Variants in SIN3B observed in about 807,000 individuals in gnomAD.
SIN3B encodes the protein paired amphipathic helix protein Sin3b.
SIN3B carries 19 observed loss-of-function variants against 120.2 expected under a neutral mutation model. The ratio of observed to expected loss-of-function variants is 0.16; its 90% CI spans 0.11 to 0.23. The LOEUF (loss-of-function observed/expected upper bound fraction) is 0.23, where lower values mean the gene tolerates loss of function less well. Ranked by LOEUF, SIN3B falls within the 10% of genes least tolerant of loss-of-function variation. The pLI, the probability that SIN3B is intolerant of heterozygous loss-of-function variation, is 1.00. For missense variants in SIN3B, 1,073 were observed against 1,573.0 expected (o/e 0.68, Z 5.38); for synonymous variants, 654 against 653.2 (o/e 1.00, Z -0.02).
chr19:16,833,468 C>G (rs1368621817), intron 3 of SIN3B, among the ~76,000 whole-genome samples: 3 of 151,894 alleles, frequency 2.0e-5, no homozygotes, highest in Non-Finnish European at 4.4e-5. Context: ...CCTGTCTCTA[C>G]TAAAAGTACA....
intron 8 of SIN3B, chr19:16,855,383 C>T (rs987311721): frequency 7.8e-5 from 10 of 128,496 alleles, no homozygotes; most frequent in Non-Finnish European, 1.6e-4. Flanking sequence ...CCCCCCCCCC[C>T]CCAGCAAAAT....
chr19:16,852,948 C>A (rs1971564476), intron 6 of SIN3B, 121 bp from the exon 7 acceptor site: 1 of 700,864 alleles, frequency 1.4e-6, no homozygotes, highest in Non-Finnish European at 2.3e-6. Flanking sequence ...CCTCACTGAG[C>A]ATCTCATGGC....
At chr19:16,830,726 T>C (rs928948505) in intron 2 of SIN3B, among the ~76,000 whole-genome samples, 3 of 152,228 alleles carry the variant, frequency 2.0e-5, no homozygotes, top group Admixed American at 6.5e-5. Context: ...CCCTCCTATT[T>C]TTCTTACACC....
intron 3 of SIN3B, among the ~76,000 whole-genome samples, chr19:16,838,374 T>G (rs1046495961): frequency 2.6e-5 from 4 of 152,156 alleles, no homozygotes; most frequent in African/African-American, 9.7e-5. Flanking sequence ...ACCATGAGTC[T>G]GCTTCCTGTC....
chr19:16,876,379 G>A lies in SIN3B; in HGVS notation c.2767-107G>A. On this transcript the variant is annotated intron_variant, in intron 15 of 18. Transcript: ENST00000248054. This position sits in a 1 kb window ranked among gnomAD's most constrained non-coding sequence, Gnocchi z 7.1. ...TACCTTTGACCTGCAGGAAGCATCA[G>A]GGCTTTGGGAGGGTGGCAAAGGCGG... 1 of 1,408,180 alleles carries A rather than the reference G, an allele frequency of 7.1e-7. No homozygotes were observed. The highest frequency in any genetic ancestry group is 9.8e-7 in the Non-Finnish European group (1 of 1,025,118). The allele number at this position is 1,408,180 out of a possible 1,614,324, so 87.2% of individuals were successfully genotyped here. A position where few individuals can be genotyped will look rare whatever the true frequency, so the allele number is the denominator to read the frequency against.
intron 3 of SIN3B, among the ~76,000 whole-genome samples, chr19:16,832,610 C>G (rs1416699601): frequency 6.6e-6 from 1 of 151,870 alleles, no homozygotes; most frequent in South Asian, 2.1e-4. Flanking sequence ...AAGTGATCCT[C>G]CCGTCTCAGC....
At chr19:16,859,174 T>C (rs1234999252) in intron 8 of SIN3B, among the ~76,000 whole-genome samples, 1 of 151,920 alleles carries the variant, frequency 6.6e-6, no homozygotes, top group Non-Finnish European at 1.5e-5. Context: ...AAGCTGAGGC[T>C]CAGGTCGAAC....
chr19:16,829,451 A>G lies in SIN3B; in HGVS notation c.31A>G (p.Ser11Gly), dbSNP rs1056992434. Residue 11 changes from serine (S) to glycine (G), a missense_variant, in exon 1 of 19, where the codon AGC becomes GGC. Ser to Gly is a moderately conservative substitution (Grantham distance 56). Transcript: ENST00000248054. ...GCACGCTGGCGGTGGCAGCGGTGGC[A>G]GCGGTGCCGGCGGCCCCGCGGGCCG... is the stretch of plus-strand genomic sequence containing the variant. MAHAGGGSGG[S>G]GAGGPAGRGL... is the part of the protein sequence containing the mutation. The G allele has an allele frequency of 3.3e-6, 4 of 1,213,720 alleles. No homozygotes were observed. Among genetic ancestry groups the G allele is most frequent in the Non-Finnish European group, 3.1e-6 (3 of 976,140 alleles). The allele number at this position is 1,213,720 out of a possible 1,614,324, so 75.2% of individuals were successfully genotyped here.
At chr19:16,878,158 C>T in intron 17 of SIN3B, 25 bp from the exon 18 acceptor site, 1 of 1,529,364 alleles carries the variant, frequency 6.5e-7, no homozygotes, top group South Asian at 1.2e-5. Flanking sequence ...GAGCCAGAGT[C>T]CATTCCACCT....
chr19:16,878,668 C>T lies in SIN3B; in HGVS notation c.3334C>T (p.His1112Tyr), dbSNP rs201105429. The change falls in exon 19 of 19, where the codon CAC becomes TAC. Residue 1112 changes from histidine (H) to tyrosine (Y), a missense_variant. By Grantham distance (83) the His-to-Tyr change is moderately conservative. This residue lies in a region of SIN3B where 311 missense variants were observed against 400.3 expected (regional missense o/e 0.78). Coordinates refer to ENST00000248054, the MANE Select transcript of SIN3B (RefSeq NM_001297595.2). ...CKTLCETVHV[H>Y]GLPVTRYRVQ... ...GACGCTGTGTGAGACAGTGCACGTG[C>T]ACGGCCTGCCCGTGACCCGCTACCG... 20 of 1,612,986 alleles carry T rather than the reference C, an allele frequency of 1.2e-5. No individual in the cohort carries two copies. Among genetic ancestry groups the T allele is most frequent in the South Asian group, 3.3e-5 (3 of 91,030 alleles).
chr19:16,857,516 T>A (rs950143898), intron 8 of SIN3B, among the ~76,000 whole-genome samples: 102 of 123,360 alleles, frequency 8.3e-4, no homozygotes, highest in Non-Finnish European at 1.5e-3. Flanking sequence ...TTAAAAAAAA[T>A]ATGTGTGTGT....
rs1360765024 is a variant in SIN3B at position 16,878,954 on chromosome 19, C to T, written c.*227C>T. 2 of 561,706 alleles carry T rather than the reference C, an allele frequency of 3.6e-6. No homozygotes were observed. The highest frequency in any genetic ancestry group is 6.7e-5 in the Admixed American group (2 of 29,876). 34.8% of individuals were successfully genotyped at this position (561,706 alleles called of 1,614,324 possible). A position where few individuals can be genotyped will look rare whatever the true frequency, so the allele number is the denominator to read the frequency against. On this transcript the variant is annotated 3_prime_UTR_variant, in exon 19 of 19. Coordinates refer to ENST00000248054, the MANE Select transcript of SIN3B (RefSeq NM_001297595.2). ...TGCACCCGAGCCCTGGGGCTCAGCC[C>T]CACCACAGGGGCGGGTGGACGTGCT...
chr19:16,839,179 G>A (rs185752167), intron 3 of SIN3B, among the ~76,000 whole-genome samples: 1 of 151,926 alleles, frequency 6.6e-6, no homozygotes, highest in Non-Finnish European at 1.5e-5. Flanking sequence ...TGTTGGCCAG[G>A]CTCGTCTCAA....
chr19:16,850,603 C>A (rs1166771053), intron 5 of SIN3B, among the ~76,000 whole-genome samples: 1 of 152,086 alleles, frequency 6.6e-6, no homozygotes, highest in Non-Finnish European at 1.5e-5. Context: ...GTCTTTGCAT[C>A]CAGGTCCTGT....
intron 2 of SIN3B, 50 bp downstream of exon 2, chr19:16,829,947 C>T (rs990719290): frequency 1.5e-6 from 2 of 1,344,152 alleles, no homozygotes; most frequent in Non-Finnish European, 2.1e-6. Flanking sequence ...GGGCCGGAAT[C>T]GGGCCTAGCG....
Position 16,865,311 on chromosome 19 carries a change from C to CG in SIN3B, c.1384-99_1384-98insG, listed in dbSNP as rs943051804. 1.4e-4 allele frequency: 80 copies of CG among 554,162 alleles called. 8 individuals are homozygous for CG. The highest frequency in any genetic ancestry group is 2.3e-4 in the Non-Finnish European group (68 of 301,004). 34.3% of individuals were successfully genotyped at this position (554,162 alleles called of 1,614,324 possible). A position where few individuals can be genotyped will look rare whatever the true frequency, so the allele number is the denominator to read the frequency against. On this transcript the variant is annotated intron_variant, in intron 10 of 18. Transcript: ENST00000248054. ...CCTATCTCTTAAATACACACACCCCCCCCCCAAAAAAATCCTCTGGTCTCT... is the reference window on the plus strand; with the variant it reads ...CCTATCTCTTAAATACACACACCCCCGCCCCCAAAAAAATCCTCTGGTCTCT...
At chr19:16,871,152 T>C in intron 13 of SIN3B, 77 bp from the exon 14 acceptor site, 1 of 1,579,034 alleles carries the variant, frequency 6.3e-7, no homozygotes, top group Non-Finnish European at 8.7e-7. Context: ...TTGTTGGGGC[T>C]CTGTCATGCC....
intron 3 of SIN3B, 107 bp downstream of exon 3, chr19:16,831,754 G>C (rs1971281735): frequency 2.1e-6 from 2 of 960,584 alleles, no homozygotes; most frequent in South Asian, 3.1e-5. Flanking sequence ...AGCCACTTAA[G>C]ATCTGTTCTT....
chr19:16,871,992 T>C (rs1043015415), intron 14 of SIN3B, among the ~76,000 whole-genome samples: 1 of 152,184 alleles, frequency 6.6e-6, no homozygotes, highest in African/African-American at 2.4e-5. Context: ...TTCATCTGCG[T>C]TGGTTTTAGT....
Sources: gnomAD v4.1 joint callset for allele counts (sites outside exome capture counted in the v4.1 genomes callset) on GRCh38, gnomAD v4.1.1 for gene constraint, gnomAD v4.1.1 regional missense constraint, Gnocchi (gnomAD v3.1) non-coding constraint, MANE v1.5 for transcripts, NCBI Gene and HGNC (gene_info 2026-07-23, HGNC 2026-07-21) for gene names.